Variants in ALDH1A2 observed in about 807,000 individuals in gnomAD.
The protein encoded by ALDH1A2 is aldehyde dehydrogenase 1 family member A2.
A neutral mutation model predicts 60.3 loss-of-function variants in ALDH1A2; 27 were observed. The ratio of observed to expected loss-of-function variants is 0.45; its 90% CI spans 0.33 to 0.62. ALDH1A2 has a LOEUF of 0.62. Among genes scored for constraint, ALDH1A2 ranks in the 20% least tolerant of loss-of-function variants. The pLI is 0.02. For synonymous variants in ALDH1A2, 289 were observed against 232.4 expected (o/e 1.24, Z -2.21); for missense variants, 581 against 643.8 (o/e 0.90, Z 1.06).
intron 1 of ALDH1A2, among the ~76,000 whole-genome samples, chr15:58,060,774 C>G (rs1468645105): frequency 6.6e-6 from 1 of 152,120 alleles, no homozygotes; most frequent in Non-Finnish European, 1.5e-5. Flanking sequence ...TAAAACCAGG[C>G]AGACAGTCCA....
intron 4 of ALDH1A2, among the ~76,000 whole-genome samples, chr15:58,002,961 A>G (rs771836386): frequency 6.6e-6 from 1 of 151,926 alleles, no homozygotes; most frequent in African/African-American, 2.4e-5. Context: ...GCCTATACAA[A>G]CGCTGAAACT....
intron 4 of ALDH1A2, among the ~76,000 whole-genome samples, chr15:57,999,000 G>A (rs937538804): frequency 6.6e-6 from 1 of 152,122 alleles, no homozygotes; most frequent in African/African-American, 2.4e-5. Context: ...CTAGCAATAT[G>A]CAGAAAATTA....
chr15:58,020,391 T>C (rs1399515800), intron 1 of ALDH1A2, among the ~76,000 whole-genome samples: 1 of 152,190 alleles, frequency 6.6e-6, no homozygotes, highest in Non-Finnish European at 1.5e-5. Context: ...ACATCTTTCC[T>C]GATATGGTCA....
intron 1 of ALDH1A2, among the ~76,000 whole-genome samples, chr15:58,042,650 G>T (rs1029259713): frequency 6.6e-6 from 1 of 151,782 alleles, no homozygotes; most frequent in Non-Finnish European, 1.5e-5. Context: ...CATTTATATT[G>T]TAGGCTTCCT....
chr15:58,053,994 T>G (rs1389869118), intron 1 of ALDH1A2, among the ~76,000 whole-genome samples: 1 of 152,154 alleles, frequency 6.6e-6, no homozygotes, highest in Non-Finnish European at 1.5e-5. Flanking sequence ...TTCAATCCAT[T>G]AAGTAATTAC....
intron 4 of ALDH1A2, among the ~76,000 whole-genome samples, chr15:58,000,481 TTTAC>T (rs1895227318): frequency 6.6e-6 from 1 of 152,030 alleles, no homozygotes; most frequent in African/African-American, 2.4e-5. Flanking sequence ...TGCTCTGTCA[TTTAC>T]TTAATTTCTG....
At position 58,010,148 on chromosome 15, in the gene ALDH1A2, G is replaced by A. The variant is rs554367450; in HGVS notation, c.493+501C>T. ...TAGATTATGAAAGTAATTCACGGCC[G>A]TTCGAGAAATATAGAAAGTAGAGAA... is the stretch of plus-strand genomic sequence containing the variant. On this transcript the variant is annotated intron_variant, in intron 4 of 12. Transcript: ENST00000249750. Among the ~76,000 whole-genome samples the A allele has an allele frequency of 1.2e-4, 19 of 152,216 alleles. No individual in the cohort carries two copies. The South Asian group carries it at 2.1e-3, about 17-fold the overall frequency.
chr15:57,972,161 G>A (rs1208849007), intron 7 of ALDH1A2, among the ~76,000 whole-genome samples: 1 of 143,750 alleles, frequency 7.0e-6, no homozygotes, highest in East Asian at 2.0e-4. Flanking sequence ...GACAAGACAA[G>A]ACTCACAGAG....
At chr15:58,060,012 T>C (rs1392753817) in intron 1 of ALDH1A2, among the ~76,000 whole-genome samples, 1 of 152,204 alleles carries the variant, frequency 6.6e-6, no homozygotes, top group Non-Finnish European at 1.5e-5. Flanking sequence ...AACCTCTGCC[T>C]CCTGGGTTCA....
chr15:57,985,253 C>T (rs1167443039), intron 7 of ALDH1A2, among the ~76,000 whole-genome samples: 9 of 152,292 alleles, frequency 5.9e-5, no homozygotes, highest in South Asian at 4.1e-4. Context: ...TCTCCTGCTT[C>T]GAGTTGTTGA....
At position 58,031,937 on chromosome 15, in the gene ALDH1A2, G is replaced by C. The variant is rs1341712511; in HGVS notation, c.118-17656C>G. Among the ~76,000 whole-genome samples, 7 of 152,320 alleles carry C rather than the reference G, an allele frequency of 4.6e-5. No homozygotes were observed. In the East Asian group the frequency reaches 9.7e-4, roughly 21 times the overall value. On this transcript the variant is annotated intron_variant, in intron 1 of 12. Coordinates refer to ENST00000249750, the MANE Select transcript of ALDH1A2 (RefSeq NM_003888.4). ...GTAAACTAGTTCAACCATTGTGGAA[G>C]TCAGCGTGGCGATTCCTCAGGGATC...
At chr15:58,061,595 CAAAAAAAAAAAAAACA>C (rs1379574821) in intron 1 of ALDH1A2, among the ~76,000 whole-genome samples, 4 of 43,330 alleles carry the variant, frequency 9.2e-5, no homozygotes, top group East Asian at 5.8e-4. Flanking sequence ...CTCCTTCCCT[CAAAAAAAAAAAAAACA>C]AAAAAAAAAA....
intron 1 of ALDH1A2, among the ~76,000 whole-genome samples, chr15:58,026,921 A>C (rs568553150): frequency 4.6e-5 from 7 of 152,236 alleles, no homozygotes; most frequent in Non-Finnish European, 8.8e-5. Context: ...CTGCCTCTCT[A>C]GACTCCACCT....
intron 12 of ALDH1A2, among the ~76,000 whole-genome samples, chr15:57,956,671 G>A (rs536021495): frequency 2.6e-5 from 4 of 152,282 alleles, no homozygotes; most frequent in South Asian, 2.1e-4. Flanking sequence ...ACTCAGTCTC[G>A]GAGTCTCTTT....
chr15:58,008,656 T>C (rs1429979573), intron 4 of ALDH1A2, among the ~76,000 whole-genome samples: 1 of 152,116 alleles, frequency 6.6e-6, no homozygotes, highest in Non-Finnish European at 1.5e-5. Context: ...TGAAAAGATA[T>C]TTAAACACCT....
At chr15:57,979,770 GC>G in intron 7 of ALDH1A2, 1 of 258,344 alleles carries the variant, frequency 3.9e-6, no homozygotes, top group Non-Finnish European at 8.1e-6. Flanking sequence ...CCTCTCCTGG[GC>G]CCAGGCAGTT....
chr15:57,992,752 C>T lies in ALDH1A2; in HGVS notation c.751G>A (p.Ala251Thr). ...ATCTTGTCTATGCCAATGTGAGAAG[C>T]TATTGCTGCCCCAGCCGTTGGCCCA... ...GYGPTAGAAI[A>T]SHIGIDKIAF... The change falls in exon 7 of 13, where the codon GCT becomes ACT. Residue 251 changes from alanine (A) to threonine (T), a missense_variant. By Grantham distance (58) the Ala-to-Thr change is moderately conservative. Around this residue, in one of 2 missense-constraint regions of ALDH1A2, gnomAD observed 375 missense variants for 469.7 expected, o/e 0.80. Transcript: ENST00000249750. 1 of 1,614,146 alleles carries T rather than the reference C, an allele frequency of 6.2e-7. No homozygotes were observed. The highest frequency in any genetic ancestry group is 8.5e-7 in the Non-Finnish European group (1 of 1,180,000).
At position 57,965,745 on chromosome 15, in the gene ALDH1A2, A is replaced by G; in HGVS notation, c.881T>C (p.Ile294Thr). The change falls in exon 8 of 13, where the codon ATT becomes ACT. Residue 294 changes from isoleucine to threonine, a missense_variant. Transcript: ENST00000249750. ...CTTACAGTCAGCATCAGCAAAAATAATATTAGGACTTTTGCCTCCAAGTTC... is the reference window on the plus strand; with the variant it reads ...CTTACAGTCAGCATCAGCAAAAATAGTATTAGGACTTTTGCCTCCAAGTTC... Reference protein sequence around the residue: ...TLELGGKSPNIIFADADLDYA... With the variant: ...TLELGGKSPNTIFADADLDYA... 2 of 1,613,866 alleles carry G rather than the reference A, an allele frequency of 1.2e-6. No homozygotes were observed. The highest frequency in any genetic ancestry group is 2.2e-5 in the East Asian group (1 of 44,884).
At chr15:58,027,037 C>T (rs1402127166) in intron 1 of ALDH1A2, among the ~76,000 whole-genome samples, 4 of 152,146 alleles carry the variant, frequency 2.6e-5, no homozygotes, top group South Asian at 2.1e-4. Context: ...TTTCCCAGCA[C>T]GGTGTTTGAG....
Sources: allele counts gnomAD v4.1 joint callset (sites outside exome capture counted in the v4.1 genomes callset), GRCh38; gene constraint gnomAD v4.1.1; regional missense constraint gnomAD v4.1.1; transcripts MANE v1.5; gene names NCBI Gene and HGNC (gene_info 2026-07-23, HGNC 2026-07-21).